The following FER variants were observed in gnomAD, a reference collection of about 807,000 sequenced individuals.
The protein encoded by FER is tyrosine-protein kinase Fer.
FER carries 63 observed loss-of-function variants against 111.0 expected under a neutral mutation model. The ratio of observed to expected loss-of-function variants is 0.57; its 90% CI spans 0.46 to 0.70. The LOEUF is 0.70. FER is among the 30% of genes least tolerant of loss of function. The pLI is 0.00. For synonymous variants in FER, 327 were observed against 313.9 expected (o/e 1.04, Z -0.44); for missense variants, 914 against 954.0 (o/e 0.96, Z 0.55).
chr5:108,891,461 CAATT>C (rs1221839783), intron 9 of FER: 3 of 151,866 alleles, frequency 2.0e-5, no homozygotes, highest in Non-Finnish European at 2.9e-5. Flanking sequence ...GTGGATAACT[CAATT>C]GATTGTTCAC....
chr5:109,186,036 G>T (rs1425065630), intron 18 of FER, among the ~76,000 whole-genome samples, 164 bp from the exon 19 acceptor site: 1 of 152,086 alleles, frequency 6.6e-6, no homozygotes, highest in Non-Finnish European at 1.5e-5. Flanking sequence ...TAGGCAATAG[G>T]AATTTTTTAG....
intron 4 of FER, among the ~76,000 whole-genome samples, chr5:108,834,662 C>A (rs1760421411): frequency 6.7e-6 from 1 of 150,328 alleles, no homozygotes; most frequent in African/African-American, 2.5e-5. Context: ...CATGCCACTG[C>A]CCTAACAGCC....
At position 108,867,541 on chromosome 5, in the gene FER, C is replaced by T. The variant is rs569458449; in HGVS notation, c.482-226C>T. 3.0e-3 allele frequency among the ~76,000 whole-genome samples: 450 copies of T among 149,036 alleles called. 4 individuals carry two copies. The highest frequency in any genetic ancestry group is 5.2e-3 in the Admixed American group (78 of 14,940). On this transcript the variant is annotated intron_variant, in intron 5 of 19. Coordinates refer to ENST00000281092, the MANE Select transcript of FER (RefSeq NM_005246.4). The stretch of plus-strand genomic sequence containing the variant: ...TGTGTTTTACTTTGACCTTTATTCA[C>T]CATTTAGTATCCTACATGCCTCCTT...
At chr5:108,933,324 T>A (rs560376904) in intron 10 of FER, among the ~76,000 whole-genome samples, 4 of 152,338 alleles carry the variant, frequency 2.6e-5, no homozygotes, top group African/African-American at 9.6e-5. Flanking sequence ...CTAGCCAGTT[T>A]TCCCAACACT....
chr5:108,908,126 C>T (rs562116358), intron 10 of FER, among the ~76,000 whole-genome samples: 88 of 152,024 alleles, frequency 5.8e-4, no homozygotes, highest in African/African-American at 1.9e-3. Context: ...TATTACCTGG[C>T]GTTCGTTTTG....
chr5:109,174,923 G>A (rs555265294), intron 17 of FER, among the ~76,000 whole-genome samples: 4 of 152,216 alleles, frequency 2.6e-5, no homozygotes, highest in South Asian at 2.1e-4. Flanking sequence ...CTCCGCTTAC[G>A]GGCTTTGTGA....
At chr5:108,908,494 A>C (rs1169944139) in intron 10 of FER, among the ~76,000 whole-genome samples, 4 of 152,216 alleles carry the variant, frequency 2.6e-5, no homozygotes, top group African/African-American at 9.6e-5. Context: ...TGTTCAAGTC[A>C]TTTTGTTACG....
At position 109,195,901 on chromosome 5, in the gene FER, G is replaced by A. The variant is rs997150193; in HGVS notation, c.*8326G>A. ...CATCTGAATGAATATAGTGGGGGTT[G>A]GTGGTGGTGCAAATTCTGCTGGCTT... On this transcript the variant is annotated 3_prime_UTR_variant, in exon 20 of 20. Coordinates refer to ENST00000281092, the MANE Select transcript of FER (RefSeq NM_005246.4). The A allele has an allele frequency of 6.6e-5, 10 of 152,212 alleles. No homozygotes were observed. The highest frequency in any genetic ancestry group is 1.3e-4 in the Admixed American group (2 of 15,282). The allele number at this position is 152,212 out of a possible 1,614,324, so 9.4% of individuals were successfully genotyped here. A position where few individuals can be genotyped will look rare whatever the true frequency, so the allele number is the denominator to read the frequency against.
At chr5:108,799,329 T>C (rs1045347957) in intron 3 of FER, among the ~76,000 whole-genome samples, 1 of 152,236 alleles carries the variant, frequency 6.6e-6, no homozygotes, top group African/African-American at 2.4e-5. Flanking sequence ...AAATATCATA[T>C]TTCACTATAG....
intron 13 of FER, among the ~76,000 whole-genome samples, chr5:109,012,026 T>C (rs938109864): frequency 6.6e-6 from 1 of 152,234 alleles, no homozygotes. Context: ...TTCTCTACTG[T>C]GCAGCCATCT....
At chr5:108,927,828 A>G (rs1753995555) in intron 10 of FER, among the ~76,000 whole-genome samples, 1 of 152,226 alleles carries the variant, frequency 6.6e-6, no homozygotes, top group African/African-American at 2.4e-5. Context: ...ATCTAAAAAT[A>G]GTGTTGACTG....
intron 18 of FER, among the ~76,000 whole-genome samples, chr5:109,182,713 G>C (rs1010720974): frequency 1.1e-4 from 17 of 152,152 alleles, no homozygotes; most frequent in African/African-American, 4.1e-4. Flanking sequence ...TCTGCCTCTT[G>C]ATCACGGTAT....
chr5:108,768,750 C>G (rs896784302), intron 2 of FER, among the ~76,000 whole-genome samples: 12 of 152,026 alleles, frequency 7.9e-5, no homozygotes, highest in Non-Finnish European at 1.5e-4. Context: ...GATGTTCCAT[C>G]CTTATTTCTA....
chr5:109,010,507 A>G (rs950870092), intron 13 of FER, among the ~76,000 whole-genome samples: 1 of 152,044 alleles, frequency 6.6e-6, no homozygotes, highest in Non-Finnish European at 1.5e-5. Context: ...TACCAGTTTC[A>G]TAAGGTTTTC....
At chr5:108,803,627 G>A (rs1458274578) in intron 3 of FER, among the ~76,000 whole-genome samples, 9 of 151,184 alleles carry the variant, frequency 6.0e-5, no homozygotes, top group Admixed American at 2.0e-4. Flanking sequence ...TGAAAGATCA[G>A]ATGGCTGTAG....
chr5:108,884,657 A>C (rs1014160270), intron 9 of FER, among the ~76,000 whole-genome samples: 2 of 151,864 alleles, frequency 1.3e-5, no homozygotes, highest in African/African-American at 4.8e-5. Flanking sequence ...TTGACTCCGA[A>C]AAACAATCTC....
chr5:108,997,988 C>A (rs1404038660), intron 13 of FER, among the ~76,000 whole-genome samples: 1 of 151,952 alleles, frequency 6.6e-6, no homozygotes, highest in Non-Finnish European at 1.5e-5. Context: ...TTACCCCATA[C>A]CAAGCTCCAG....
intron 10 of FER, among the ~76,000 whole-genome samples, chr5:108,910,419 C>G (rs1393394346): frequency 6.6e-6 from 1 of 152,086 alleles, no homozygotes; most frequent in Admixed American, 6.6e-5. Context: ...TTCTTGACCA[C>G]ACTTAGCATA....
At chr5:108,921,568 A>T (rs1158245353) in intron 10 of FER, among the ~76,000 whole-genome samples, 1 of 152,146 alleles carries the variant, frequency 6.6e-6, no homozygotes, top group African/African-American at 2.4e-5. Context: ...ATGTAAAATA[A>T]TCTCCTAGGG....
Sources: gnomAD v4.1 joint callset for allele counts (sites outside exome capture counted in the v4.1 genomes callset) on GRCh38, gnomAD v4.1.1 for gene constraint, MANE v1.5 for transcripts, NCBI Gene and HGNC (gene_info 2026-07-23, HGNC 2026-07-21) for gene names.